Variants in KCNN2 observed in about 807,000 individuals in gnomAD.
KCNN2 encodes small conductance calcium-activated potassium channel protein 2.
Under a neutral mutation model 55.5 loss-of-function variants are expected in KCNN2, and 24 were observed. The observed-to-expected ratio is 0.43, with a 90% CI of 0.31 to 0.61. KCNN2 has a LOEUF of 0.61. Ranked by LOEUF, KCNN2 falls within the 20% of genes least tolerant of loss-of-function variation. The probability of loss-of-function intolerance (pLI) is 0.08; values close to 1 mark genes in which losing one functional copy is unlikely to be tolerated. For synonymous variants in KCNN2, 431 were observed against 336.1 expected (o/e 1.28, Z -3.09); for missense variants, 754 against 853.6 (o/e 0.88, Z 1.45).
intron 3 of KCNN2, among the ~76,000 whole-genome samples, chr5:114,440,382 G>A (rs1164761126): frequency 6.6e-6 from 1 of 152,112 alleles, no homozygotes; most frequent in African/African-American, 2.4e-5. Flanking sequence ...AAAAGTGAGA[G>A]TATGTACCAC....
chr5:114,064,087 T>G (rs1750388751), intron 1 of KCNN2, among the ~76,000 whole-genome samples: 2 of 152,136 alleles, frequency 1.3e-5, no homozygotes, highest in South Asian at 4.1e-4. Context: ...TCCCAGAGAT[T>G]GTGAATTAAT....
chr5:114,409,823 C>A (rs369630650), intron 3 of KCNN2, among the ~76,000 whole-genome samples: 11 of 152,098 alleles, frequency 7.2e-5, no homozygotes, highest in African/African-American at 2.7e-4. Flanking sequence ...TTTTCCCTGG[C>A]ATATCATGTG....
At chr5:114,408,517 G>A (rs759586758) in intron 3 of KCNN2, among the ~76,000 whole-genome samples, 1 of 152,036 alleles carries the variant, frequency 6.6e-6, no homozygotes, top group Non-Finnish European at 1.5e-5. Context: ...AGCAATCATG[G>A]TATTTACAGG....
intron 1 of KCNN2, among the ~76,000 whole-genome samples, chr5:114,175,474 G>A (rs775547520): frequency 2.0e-5 from 3 of 152,050 alleles, no homozygotes; most frequent in Non-Finnish European, 2.9e-5. Context: ...AATCACATAT[G>A]GTGGGATCTG....
At chr5:114,329,060 C>G (rs1756761022) in intron 2 of KCNN2, among the ~76,000 whole-genome samples, 1 of 152,074 alleles carries the variant, frequency 6.6e-6, no homozygotes, top group African/African-American at 2.4e-5. Context: ...CTTTGTGTGT[C>G]TCCTTCTTTA....
chr5:114,219,278 C>T lies in KCNN2; in HGVS notation c.-270-2202C>T, dbSNP rs568922424. Among the ~76,000 whole-genome samples the T allele has an allele frequency of 1.1e-3, 173 of 152,266 alleles. 1 individual carries two copies. The highest frequency in any genetic ancestry group is 3.4e-3 in the African/African-American group (141 of 41,564). On this transcript the variant is annotated intron_variant, in intron 1 of 10. Coordinates refer to the KCNN2 transcript ENST00000512097. ...CTTTTTGTGTGAGGTGGCTGCCCTCCGCCAGCAAGGACAAAGGGTCAGTGT... is the reference window on the plus strand; with the variant it reads ...CTTTTTGTGTGAGGTGGCTGCCCTCTGCCAGCAAGGACAAAGGGTCAGTGT...
intron 2 of KCNN2, among the ~76,000 whole-genome samples, chr5:114,305,796 A>G (rs192817359): frequency 7.2e-5 from 11 of 152,324 alleles, no homozygotes; most frequent in South Asian, 4.1e-4. Context: ...AGTGCCCTCT[A>G]TTGACAAAGA....
intron 3 of KCNN2, among the ~76,000 whole-genome samples, chr5:114,448,427 G>A (rs1218130473): frequency 6.6e-6 from 1 of 152,104 alleles, no homozygotes; most frequent in African/African-American, 2.4e-5. Context: ...TTTTAATTCA[G>A]TTCCTGACAT....
At chr5:114,436,368 G>T (rs1204391588) in intron 3 of KCNN2, among the ~76,000 whole-genome samples, 1 of 152,182 alleles carries the variant, frequency 6.6e-6, no homozygotes, top group African/African-American at 2.4e-5. Flanking sequence ...TGTATAATCA[G>T]TTCAACTGAT....
At chr5:114,255,167 G>C (rs1234127267) in intron 2 of KCNN2, among the ~76,000 whole-genome samples, 3 of 152,144 alleles carry the variant, frequency 2.0e-5, no homozygotes, top group South Asian at 4.1e-4. Flanking sequence ...GGTATACAAA[G>C]AGAAAAATGC....
At chr5:114,354,922 C>T (rs994013108) in intron 2 of KCNN2, among the ~76,000 whole-genome samples, 1 of 152,072 alleles carries the variant, frequency 6.6e-6, no homozygotes, top group Non-Finnish European at 1.5e-5. Context: ...AGCCATAAGA[C>T]AAAACAGCAG....
intron 2 of KCNN2, among the ~76,000 whole-genome samples, chr5:114,243,475 C>A (rs2112618491): frequency 1.5e-5 from 1 of 68,470 alleles, no homozygotes; most frequent in Admixed American, 2.0e-4. Flanking sequence ...CCTGAACCAC[C>A]CCTTTGTCCA....
intron 1 of KCNN2, among the ~76,000 whole-genome samples, chr5:114,073,006 T>C (rs1750608474): frequency 6.6e-6 from 1 of 152,234 alleles, no homozygotes; most frequent in African/African-American, 2.4e-5. Flanking sequence ...TCTAAGTGAT[T>C]TTTCTCTGGT....
chr5:114,063,368 G>C (rs1001907695), intron 1 of KCNN2, among the ~76,000 whole-genome samples: 3 of 152,206 alleles, frequency 2.0e-5, no homozygotes, highest in African/African-American at 7.2e-5. Flanking sequence ...TTTGCCATAT[G>C]TGGGATAGTA....
At chr5:114,073,356 C>T (rs186841087) in intron 1 of KCNN2, among the ~76,000 whole-genome samples, 2 of 152,262 alleles carry the variant, frequency 1.3e-5, no homozygotes, top group East Asian at 3.9e-4. Flanking sequence ...CATGGCTGGC[C>T]TATTGATGTA....
chr5:114,282,124 T>C (rs1755636668), intron 2 of KCNN2, among the ~76,000 whole-genome samples: 1 of 152,180 alleles, frequency 6.6e-6, no homozygotes, highest in South Asian at 2.1e-4. Flanking sequence ...GTTTTAGTAC[T>C]GTATCAGTCT....
intron 1 of KCNN2, among the ~76,000 whole-genome samples, chr5:114,202,627 C>T (rs1403590899): frequency 1.5e-5 from 2 of 133,168 alleles, no homozygotes; most frequent in Non-Finnish European, 3.1e-5. Flanking sequence ...CGCTCTGTTG[C>T]CCAGGCTGGA....
intron 2 of KCNN2, among the ~76,000 whole-genome samples, chr5:114,244,545 C>G (rs533065762): frequency 6.7e-6 from 1 of 150,190 alleles, no homozygotes. Context: ...TACAGCGAGC[C>G]GAGATCGCGC....
intron 1 of KCNN2, among the ~76,000 whole-genome samples, chr5:114,170,713 T>TA (rs1297191711): frequency 6.6e-6 from 1 of 151,242 alleles, no homozygotes; most frequent in Non-Finnish European, 1.5e-5. Context: ...TATACAAATT[T>TA]AAAATCTGTC....
Sources: gnomAD v4.1 joint callset for allele counts (sites outside exome capture counted in the v4.1 genomes callset) on GRCh38, gnomAD v4.1.1 for gene constraint, MANE v1.5 for transcripts, NCBI Gene and HGNC (gene_info 2026-07-23, HGNC 2026-07-21) for gene names.